The following EXO1 variants were observed in gnomAD, a reference collection of about 807,000 sequenced individuals.
EXO1 encodes exonuclease 1.
Under a neutral mutation model 84.5 loss-of-function variants are expected in EXO1, and 69 were observed. The observed-to-expected ratio is 0.82, with a 90% CI of 0.67 to 1.00. EXO1 has a LOEUF of 1.00. Among genes scored for constraint, EXO1 ranks in the 50% least tolerant of loss-of-function variants. The pLI is 0.00. For missense variants in EXO1, 1,045 were observed against 1,000.7 expected, an observed-to-expected ratio of 1.04 and a Z score of -0.60; for synonymous variants, 373 against 366.1, an observed-to-expected ratio of 1.02 and a Z score of -0.21.
rs954452620 is a variant in EXO1 at position 241,866,949 on chromosome 1, C to T, written c.1161C>T (p.Ala387=). The T allele has an allele frequency of 5.0e-6, 8 of 1,613,872 alleles. No individual in the cohort carries two copies. The highest frequency in any genetic ancestry group is 1.6e-4 in the Middle Eastern group (1 of 6,062). ...PRPESGTVSD[A]PQLKENPSTV... ...CAGAGTCGGGTACTGTTTCAGATGC[C>T]CCACAATTGAAGGAAAATCCAAGTA... The change falls in exon 11 of 16, where the codon GCC becomes GCT. Residue 387 remains alanine, a synonymous_variant. Transcript: ENST00000366548.
At chr1:241,878,479 G>A (rs1662531756) in intron 12 of EXO1, among the ~76,000 whole-genome samples, 1 of 133,162 alleles carries the variant, frequency 7.5e-6, no homozygotes, top group Non-Finnish European at 1.6e-5. Flanking sequence ...CCTGGTGACA[G>A]AGAGAGACTC....
rs202181576 is a variant in EXO1, at chr1:241,866,869, T to A, written c.1081T>A (p.Cys361Ser). The A allele has an allele frequency of 4.5e-5, 72 of 1,614,004 alleles. No homozygotes were observed. In the Admixed American group the frequency reaches 8.7e-4, roughly 19 times the overall value. Residue 361 changes from cysteine to serine, a missense_variant, in exon 11 of 16, where the codon TGT becomes AGT. By Grantham distance (112) the Cys-to-Ser change is moderately radical. Coordinates refer to ENST00000366548, the MANE Select transcript of EXO1 (RefSeq NM_130398.4). ...SRSHSWDDKTCQKSANVSSIW... is the reference protein window; with the variant it reads ...SRSHSWDDKTSQKSANVSSIW... ...AAGTCATAGTTGGGATGACAAAACATGTCAAAAGTCAGCTAATGTTAGCAG... is the reference window on the plus strand; with the variant it reads ...AAGTCATAGTTGGGATGACAAAACAAGTCAAAAGTCAGCTAATGTTAGCAG...
chr1:241,863,739 C>T (rs1574150671), intron 10 of EXO1, among the ~76,000 whole-genome samples: 1 of 152,156 alleles, frequency 6.6e-6, no homozygotes, highest in South Asian at 2.1e-4. Context: ...TCTAACCTTG[C>T]TCCATGTAAT....
intron 8 of EXO1, among the ~76,000 whole-genome samples, chr1:241,859,144 A>G (rs1157627923): frequency 1.3e-5 from 2 of 152,032 alleles, no homozygotes; most frequent in Non-Finnish European, 2.9e-5. Flanking sequence ...ATTAAAAATT[A>G]AAACAAAAAT....
intron 6 of EXO1, among the ~76,000 whole-genome samples, chr1:241,855,469 C>G (rs191796873): frequency 1.1e-4 from 16 of 152,342 alleles, no homozygotes; most frequent in East Asian, 9.7e-4. Context: ...CTGAGCTAGA[C>G]GTAAAGATTC....
At chr1:241,860,789 A>G (rs1173121490) in intron 9 of EXO1, 85 bp downstream of exon 9, 1 of 1,073,470 alleles carries the variant, frequency 9.3e-7, no homozygotes. Context: ...CATTTAGTAA[A>G]AAGCTTGCAC....
At chr1:241,874,063 T>C (rs1183090818) in intron 12 of EXO1, among the ~76,000 whole-genome samples, 1 of 152,208 alleles carries the variant, frequency 6.6e-6, no homozygotes, top group Non-Finnish European at 1.5e-5. Flanking sequence ...AAGGCTTGTA[T>C]GCCAACGTGG....
At chr1:241,852,107 G>A (rs1308708678) in intron 4 of EXO1, among the ~76,000 whole-genome samples, 185 bp from the exon 5 acceptor site, 1 of 152,236 alleles carries the variant, frequency 6.6e-6, no homozygotes, top group East Asian at 1.9e-4. Context: ...TGGCTCGTAA[G>A]TATCCAAGGC....
At chr1:241,867,578 G>A (rs1163054831) in intron 11 of EXO1, among the ~76,000 whole-genome samples, 6 of 151,666 alleles carry the variant, frequency 4.0e-5, no homozygotes, top group Non-Finnish European at 7.4e-5. Flanking sequence ...GCCATTTTGA[G>A]TTAGTTTTTT....
intron 12 of EXO1, among the ~76,000 whole-genome samples, chr1:241,875,722 C>G (rs1662360241): frequency 6.6e-6 from 1 of 151,994 alleles, no homozygotes; most frequent in Admixed American, 6.5e-5. Context: ...ACTAAAAGTA[C>G]AAAAAATTAG....
chr1:241,866,759 A>T (rs1661760803), intron 10 of EXO1, 71 bp from the exon 11 acceptor site: 1 of 1,130,718 alleles, frequency 8.8e-7, no homozygotes, highest in Non-Finnish European at 1.3e-6. Context: ...TTTATAATTT[A>T]TGTTGATACA....
chr1:241,875,650 G>T (rs939466022), intron 12 of EXO1, among the ~76,000 whole-genome samples: 3 of 152,114 alleles, frequency 2.0e-5, no homozygotes, highest in Non-Finnish European at 4.4e-5. Context: ...AGGCCAAGGC[G>T]GTCGGATCAT....
chr1:241,860,034 T>C (rs570933924), intron 8 of EXO1, among the ~76,000 whole-genome samples: 1 of 152,350 alleles, frequency 6.6e-6, no homozygotes, highest in South Asian at 2.1e-4. Context: ...TCTCTGGGCC[T>C]TCCCTTTTTC....
At chr1:241,850,356 T>G (rs1201510073) in intron 3 of EXO1, 53 bp from the exon 4 acceptor site, 3 of 1,206,652 alleles carry the variant, frequency 2.5e-6, no homozygotes, top group Non-Finnish European at 3.7e-6. Context: ...GATGTTTTAA[T>G]AAATGTATTT....
chr1:241,861,843 A>G (rs1661409259), intron 10 of EXO1, among the ~76,000 whole-genome samples: 2 of 152,216 alleles, frequency 1.3e-5, no homozygotes, highest in South Asian at 4.1e-4. Context: ...AAGCCTAGGA[A>G]TGCTACGGGA....
intron 10 of EXO1, among the ~76,000 whole-genome samples, chr1:241,862,728 T>C (rs1661474314): frequency 6.6e-6 from 1 of 152,238 alleles, no homozygotes; most frequent in African/African-American, 2.4e-5. Flanking sequence ...CAGGTCTCTT[T>C]TGTTCTCACA....
intron 12 of EXO1, among the ~76,000 whole-genome samples, chr1:241,876,671 T>C (rs3819357): frequency 0.078 from 11,867 of 152,264 alleles, 733 homozygotes; most frequent in Admixed American, 0.2. Flanking sequence ...TTTCTATTTC[T>C]CACAACAATA....
At chr1:241,880,618 T>C (rs1662699951) in intron 13 of EXO1, among the ~76,000 whole-genome samples, 1 of 152,232 alleles carries the variant, frequency 6.6e-6, no homozygotes, top group South Asian at 2.1e-4. Flanking sequence ...CTGCCAGATG[T>C]AGTAAACTCC....
intron 12 of EXO1, among the ~76,000 whole-genome samples, chr1:241,875,581 T>A (rs1368217809): frequency 6.6e-6 from 1 of 152,192 alleles, no homozygotes; most frequent in Non-Finnish European, 1.5e-5. Context: ...GTGTTCTAGA[T>A]AATATACACT....
Sources: gnomAD v4.1 joint callset for allele counts (sites outside exome capture counted in the v4.1 genomes callset) on GRCh38, gnomAD v4.1.1 for gene constraint, MANE v1.5 for transcripts, NCBI Gene and HGNC (gene_info 2026-07-23, HGNC 2026-07-21) for gene names.